Variants in UBTD2 observed in about 807,000 individuals in gnomAD.
UBTD2 encodes the protein ubiquitin domain-containing protein 2.
A neutral mutation model predicts 19.8 loss-of-function variants in UBTD2; 9 were observed. The observed-to-expected ratio is 0.46, with a 90% confidence interval of 0.27 to 0.79. UBTD2 has a LOEUF of 0.79. Ranked by LOEUF, UBTD2 falls within the 30% of genes least tolerant of loss-of-function variation. The pLI, the probability that UBTD2 is intolerant of heterozygous loss-of-function variation, is 0.14. For synonymous variants in UBTD2, 98 were observed against 103.9 expected, an observed-to-expected ratio of 0.94 and a Z score of 0.35; for missense variants, 250 against 300.4, an observed-to-expected ratio of 0.83 and a Z score of 1.24.
At chr5:172,262,894 T>C (rs1047397934) in intron 1 of UBTD2, among the ~76,000 whole-genome samples, 1 of 152,204 alleles carries the variant, frequency 6.6e-6, no homozygotes, top group Non-Finnish European at 1.5e-5. Flanking sequence ...TGAAAAGCTA[T>C]TAGTAACTTC....
At chr5:172,237,945 C>T (rs1772045112) in intron 1 of UBTD2, among the ~76,000 whole-genome samples, 1 of 152,154 alleles carries the variant, frequency 6.6e-6, no homozygotes, top group Non-Finnish European at 1.5e-5. Flanking sequence ...AGAAATGTCC[C>T]TGATTGTCAT....
In UBTD2 at chr5:172,283,725, C is replaced by G. The variant is rs1260953617; in HGVS notation, c.-60G>C. ...CGCTCGTCCGGGCCCGCCGCCGCCG[C>G]CGCTGCAGCCTCCTCCGGCGCCACC... On this transcript the variant is annotated 5_prime_UTR_variant, in exon 1 of 3. Transcript: ENST00000393792. This position sits in a 1 kb window ranked among gnomAD's most constrained non-coding sequence, Gnocchi z 4.3. The G allele has an allele frequency of 7.8e-6, 9 of 1,152,258 alleles. No homozygotes were observed. The highest frequency in any genetic ancestry group is 1.6e-5 in the African/African-American group (1 of 61,642). The allele number at this position is 1,152,258 out of a possible 1,614,324, so 71.4% of individuals were successfully genotyped here.
intron 2 of UBTD2, among the ~76,000 whole-genome samples, chr5:172,224,298 C>CTTTT (rs35105814): frequency 3.3e-5 from 4 of 121,650 alleles, no homozygotes; most frequent in Admixed American, 9.1e-5. Flanking sequence ...TTTTTCATTT[C>CTTTT]TTTTTTTTTT....
chr5:172,267,540 C>T (rs908906828), intron 1 of UBTD2, among the ~76,000 whole-genome samples: 1 of 152,152 alleles, frequency 6.6e-6, no homozygotes, highest in Non-Finnish European at 1.5e-5. Context: ...CTCATCAACA[C>T]GAAGTAAATA....
intron 1 of UBTD2, among the ~76,000 whole-genome samples, chr5:172,270,083 A>C (rs1234824806): frequency 6.6e-6 from 1 of 150,558 alleles, no homozygotes; most frequent in Non-Finnish European, 1.5e-5. Flanking sequence ...TCTCAATTTA[A>C]AAACAAAAAA....
Position 172,253,457 on chromosome 5 carries a change from ATTTTTTT to A in UBTD2, c.71-19106_71-19100del, listed in dbSNP as rs11292185. ...GATATTGTCAATATCAACCCTATCAATTTTTTTTTTTTTTTGAGATGGAGTCTCACTC... is the reference window on the plus strand; with the variant it reads ...GATATTGTCAATATCAACCCTATCAATTTTTTTTGAGATGGAGTCTCACTC... On this transcript the variant is annotated intron_variant, in intron 1 of 2. Transcript: ENST00000393792. Among the ~76,000 whole-genome samples, 5 of 145,958 alleles carry A rather than the reference ATTTTTTT, an allele frequency of 3.4e-5. No individual in the cohort carries two copies. The South Asian group carries it at 1.1e-3, about 31-fold the overall frequency.
intron 2 of UBTD2, among the ~76,000 whole-genome samples, chr5:172,229,291 G>C (rs561057140): frequency 6.6e-6 from 1 of 151,988 alleles, no homozygotes; most frequent in Non-Finnish European, 1.5e-5. Context: ...ACAAGGTCAG[G>C]AGATCGAGAC....
At chr5:172,267,875 ATTT>A (rs1292299486) in intron 1 of UBTD2, among the ~76,000 whole-genome samples, 1 of 152,256 alleles carries the variant, frequency 6.6e-6, no homozygotes, top group Non-Finnish European at 1.5e-5. Context: ...CAACTGACTT[ATTT>A]AAGGTCATAA....
At chr5:172,233,658 C>T (rs1448041153) in intron 2 of UBTD2, among the ~76,000 whole-genome samples, 1 of 152,032 alleles carries the variant, frequency 6.6e-6, no homozygotes, top group Non-Finnish European at 1.5e-5. Context: ...CAAAAATAGG[C>T]TTGATGAGAA....
At chr5:172,252,743 CAAGTCCTTCTCCTTT>C (rs909452488) in intron 1 of UBTD2, among the ~76,000 whole-genome samples, 3 of 152,116 alleles carry the variant, frequency 2.0e-5, no homozygotes, top group African/African-American at 7.2e-5. Context: ...ACTCATTTGT[CAAGTCCTTCTCCTTT>C]AATGGGTTTT....
intron 1 of UBTD2, among the ~76,000 whole-genome samples, chr5:172,273,931 T>C (rs1353513937): frequency 6.6e-6 from 1 of 152,026 alleles, no homozygotes; most frequent in Non-Finnish European, 1.5e-5. Context: ...CCACTCCTCC[T>C]AGTAAAATTT....
intron 2 of UBTD2, among the ~76,000 whole-genome samples, chr5:172,232,213 C>T (rs1215205447): frequency 1.3e-5 from 2 of 151,464 alleles, no homozygotes; most frequent in African/African-American, 4.9e-5. Context: ...GTGGAGGTTA[C>T]AGTAAGCCAA....
Position 172,209,908 on chromosome 5 carries a change from T to A in UBTD2, c.*1922A>T, listed in dbSNP as rs766777441. On this transcript the variant is annotated 3_prime_UTR_variant, in exon 3 of 3. Transcript: ENST00000393792. ...TACCAATCGATATCATAGATATTGA[T>A]GACATCACCAAATCTGCTTAAGAAA... The A allele has an allele frequency of 6.6e-6, 1 of 152,636 alleles. No individual in the cohort carries two copies. Among genetic ancestry groups the A allele is most frequent in the African/African-American group, 2.4e-5 (1 of 41,466 alleles). The allele number at this position is 152,636 out of a possible 1,614,324, so 9.5% of individuals were successfully genotyped here.
intron 1 of UBTD2, among the ~76,000 whole-genome samples, chr5:172,250,338 G>T (rs1358803306): frequency 6.6e-6 from 1 of 152,172 alleles, no homozygotes; most frequent in Non-Finnish European, 1.5e-5. Context: ...GAAGAAAGTT[G>T]GCAGTTGCCC....
chr5:172,266,028 G>A (rs1462791502), intron 1 of UBTD2, among the ~76,000 whole-genome samples: 2 of 151,532 alleles, frequency 1.3e-5, no homozygotes, highest in African/African-American at 4.9e-5. Flanking sequence ...CTGCCTCCCG[G>A]GTTCAAGCAA....
chr5:172,271,511 G>C (rs957525711), intron 1 of UBTD2, among the ~76,000 whole-genome samples: 2 of 150,378 alleles, frequency 1.3e-5, no homozygotes, highest in African/African-American at 4.9e-5. Flanking sequence ...ACTCCTCCTT[G>C]AACTTACATA....
At chr5:172,219,857 G>T (rs1199050230) in intron 2 of UBTD2, among the ~76,000 whole-genome samples, 1 of 152,176 alleles carries the variant, frequency 6.6e-6, no homozygotes, top group African/African-American at 2.4e-5. Flanking sequence ...GACAAGAAAA[G>T]AATTGTGTTC....
At chr5:172,232,332 A>G (rs934294549) in intron 2 of UBTD2, among the ~76,000 whole-genome samples, 1 of 145,324 alleles carries the variant, frequency 6.9e-6, no homozygotes, top group Admixed American at 6.9e-5. Context: ...AAAAAAAAAA[A>G]AGTCACACTG....
At chr5:172,240,114 A>G (rs1252594555) in intron 1 of UBTD2, among the ~76,000 whole-genome samples, 1 of 152,186 alleles carries the variant, frequency 6.6e-6, no homozygotes, top group African/African-American at 2.4e-5. Flanking sequence ...TTATGACCAG[A>G]CAAAGGAAAA....
Sources: gnomAD v4.1 joint callset for allele counts (sites outside exome capture counted in the v4.1 genomes callset) on GRCh38, gnomAD v4.1.1 for gene constraint, Gnocchi (gnomAD v3.1) non-coding constraint, MANE v1.5 for transcripts, NCBI Gene and HGNC (gene_info 2026-07-23, HGNC 2026-07-21) for gene names.